Variants in NOL4 observed in about 807,000 individuals in gnomAD.
The protein encoded by NOL4 is nucleolar protein 4.
Under a neutral mutation model 75.9 loss-of-function variants are expected in NOL4, and 17 were observed. The ratio of observed to expected loss-of-function variants is 0.22; its 90% CI spans 0.15 to 0.34. The LOEUF (loss-of-function observed/expected upper bound fraction) is 0.34. NOL4 is among the 10% of genes least tolerant of loss of function. The probability of loss-of-function intolerance (pLI) is 1.00; values close to 1 mark genes in which losing one functional copy is unlikely to be tolerated. For synonymous variants in NOL4, 292 were observed against 289.9 expected (o/e 1.01, Z -0.07); for missense variants, 614 against 793.5 (o/e 0.77, Z 2.72).
rs1419542289 is a variant in NOL4 at position 34,221,041 on chromosome 18, TTA to T, written c.264+1947_264+1948del. The T allele has an allele frequency of 4.6e-5, 7 of 152,296 alleles. No homozygotes were observed. The East Asian group carries it at 7.7e-4, about 17-fold the overall frequency. 9.4% of individuals were successfully genotyped at this position (152,296 alleles called of 1,614,324 possible). A position where few individuals can be genotyped will look rare whatever the true frequency, so the allele number is the denominator to read the frequency against. On this transcript the variant is annotated intron_variant, in intron 1 of 10. Transcript: ENST00000261592. The stretch of plus-strand genomic sequence containing the variant: ...TAGTATCTCTAAAATTGTTCAGAAT[TTA>T]TGTTATTTAAAATAGTCAATCCTTT...
At chr18:33,882,267 C>T (rs2064334366) in intron 10 of NOL4, among the ~76,000 whole-genome samples, 1 of 152,096 alleles carries the variant, frequency 6.6e-6, no homozygotes, top group Non-Finnish European at 1.5e-5. Context: ...AGTGAACAGG[C>T]AGCCTACAAA....
chr18:33,867,599 TAATCCCTGGA>T (rs1021403913), intron 10 of NOL4, among the ~76,000 whole-genome samples: 2 of 151,932 alleles, frequency 1.3e-5, no homozygotes, highest in Admixed American at 6.6e-5. Context: ...CAATTCATAC[TAATCCCTGGA>T]AATCCCTGGA....
At chr18:34,149,826 T>C (rs951668305) in intron 1 of NOL4, among the ~76,000 whole-genome samples, 8 of 151,634 alleles carry the variant, frequency 5.3e-5, no homozygotes, top group African/African-American at 9.7e-5. Context: ...ATTTTGAAAA[T>C]GGAATACCTA....
At chr18:33,915,428 C>G (rs888444662) in intron 9 of NOL4, among the ~76,000 whole-genome samples, 21 of 151,848 alleles carry the variant, frequency 1.4e-4, no homozygotes, top group African/African-American at 5.1e-4. Context: ...TGTTTGCTTT[C>G]TTTTGGTTGT....
chr18:34,124,694 C>T (rs187911588), intron 2 of NOL4, among the ~76,000 whole-genome samples: 1 of 152,230 alleles, frequency 6.6e-6, no homozygotes, highest in African/African-American at 2.4e-5. Flanking sequence ...CACCTGACGT[C>T]AGGAGTTTGA....
At position 34,211,000 on chromosome 18, in the gene NOL4, C is replaced by T. The variant is rs137863167; in HGVS notation, c.264+11990G>A. Among the ~76,000 whole-genome samples the T allele has an allele frequency of 2.5e-4, 38 of 151,944 alleles. No individual in the cohort carries two copies. In the East Asian group the frequency reaches 5.6e-3, roughly 22 times the overall value. ...CTTATCATGAATTTGTAGAAAAATC[C>T]TCCTTTACGGTGGAGGTTGCAGTGA... On this transcript the variant is annotated intron_variant, in intron 1 of 10. Coordinates refer to ENST00000261592, the MANE Select transcript of NOL4 (RefSeq NM_003787.5).
chr18:33,992,817 C>A (rs1275880568), intron 6 of NOL4, among the ~76,000 whole-genome samples: 2 of 152,016 alleles, frequency 1.3e-5, no homozygotes, highest in South Asian at 2.1e-4. Flanking sequence ...GTAGAGGTGT[C>A]AGTTGGAGAG....
chr18:34,143,305 T>C (rs996334269), intron 1 of NOL4, among the ~76,000 whole-genome samples: 1 of 152,270 alleles, frequency 6.6e-6, no homozygotes, highest in South Asian at 2.1e-4. Context: ...ATATAAAAGA[T>C]GTGTAACATA....
chr18:33,972,895 A>C (rs1389767506), intron 6 of NOL4, among the ~76,000 whole-genome samples: 1 of 152,208 alleles, frequency 6.6e-6, no homozygotes, highest in African/African-American at 2.4e-5. Context: ...TCTTGCCCCC[A>C]TGTTGATGGT....
intron 9 of NOL4, among the ~76,000 whole-genome samples, chr18:33,906,406 G>T (rs1043756650): frequency 2.0e-5 from 3 of 152,110 alleles, no homozygotes; most frequent in Non-Finnish European, 4.4e-5. Flanking sequence ...TTCTTAGTTT[G>T]CTAGCTCTCT....
intron 8 of NOL4, among the ~76,000 whole-genome samples, chr18:33,955,460 CTATT>C (rs1568122386): frequency 1.3e-5 from 2 of 151,964 alleles, no homozygotes; most frequent in Admixed American, 6.6e-5. Context: ...CATAATTAGA[CTATT>C]TATTTATTTG....
At chr18:34,057,249 C>T (rs2076869237) in intron 5 of NOL4, among the ~76,000 whole-genome samples, 1 of 152,160 alleles carries the variant, frequency 6.6e-6, no homozygotes, top group African/African-American at 2.4e-5. Context: ...CTTATATTTA[C>T]ATATATCCTC....
chr18:34,165,569 T>C (rs2032227226), intron 1 of NOL4, among the ~76,000 whole-genome samples: 1 of 152,186 alleles, frequency 6.6e-6, no homozygotes, highest in South Asian at 2.1e-4. Flanking sequence ...CAATATATAG[T>C]AGGACATTAA....
chr18:34,020,853 A>G (rs2074995864), intron 5 of NOL4, among the ~76,000 whole-genome samples: 1 of 152,188 alleles, frequency 6.6e-6, no homozygotes, highest in Non-Finnish European at 1.5e-5. Flanking sequence ...ATTTTTAAAA[A>G]TTATGATGGA....
intron 1 of NOL4, among the ~76,000 whole-genome samples, chr18:34,154,939 C>G (rs2030083849): frequency 6.6e-6 from 1 of 151,916 alleles, no homozygotes; most frequent in Non-Finnish European, 1.5e-5. Context: ...TTTAGACGCC[C>G]TCTTTTGTTG....
intron 8 of NOL4, among the ~76,000 whole-genome samples, chr18:33,946,053 C>T (rs900643072): frequency 6.6e-6 from 1 of 151,552 alleles, no homozygotes; most frequent in Non-Finnish European, 1.5e-5. Context: ...TCTGTATATA[C>T]AAACCATTGT....
intron 9 of NOL4, among the ~76,000 whole-genome samples, chr18:33,911,466 C>A (rs865963936): frequency 1.8e-4 from 27 of 152,160 alleles, no homozygotes; most frequent in African/African-American, 6.5e-4. Flanking sequence ...AAAGAAAACT[C>A]TGAGTGATTT....
intron 1 of NOL4, among the ~76,000 whole-genome samples, chr18:34,171,296 T>C (rs1863607477): frequency 6.6e-6 from 1 of 152,188 alleles, no homozygotes; most frequent in Non-Finnish European, 1.5e-5. Context: ...GTTTTTTGTT[T>C]TGTTGTTTTC....
At chr18:33,866,455 G>C (rs1351391428) in intron 10 of NOL4, among the ~76,000 whole-genome samples, 1 of 151,968 alleles carries the variant, frequency 6.6e-6, no homozygotes, top group Non-Finnish European at 1.5e-5. Flanking sequence ...ATCTAAGGGG[G>C]TTTTCTACAC....
Sources: gnomAD v4.1 joint callset for allele counts (sites outside exome capture counted in the v4.1 genomes callset) on GRCh38, gnomAD v4.1.1 for gene constraint, MANE v1.5 for transcripts, NCBI Gene and HGNC (gene_info 2026-07-23, HGNC 2026-07-21) for gene names.